Variants in FGD5 observed in about 807,000 individuals in gnomAD.
The protein encoded by FGD5 is FYVE, RhoGEF and PH domain-containing protein 5.
FGD5 carries 28 observed loss-of-function variants against 133.4 expected under a neutral mutation model. The observed-to-expected ratio is 0.21, with a 90% confidence interval of 0.16 to 0.29. FGD5 has a LOEUF of 0.29. Ranked by LOEUF, FGD5 falls within the 10% of genes least tolerant of loss-of-function variation. The probability of loss-of-function intolerance (pLI) is 1.00; values close to 1 mark genes in which losing one functional copy is unlikely to be tolerated. For synonymous variants in FGD5, 810 were observed against 776.5 expected, an observed-to-expected ratio of 1.04 and a Z score of -0.72; for missense variants, 1,858 against 1,895.2, an observed-to-expected ratio of 0.98 and a Z score of 0.36.
At position 14,900,988 on chromosome 3, in the gene FGD5, T is replaced by C. The variant is rs1462473354; in HGVS notation, c.3206-15T>C. 2 of 1,614,014 alleles carry C rather than the reference T, an allele frequency of 1.2e-6. No homozygotes were observed. Among genetic ancestry groups the C allele is most frequent in the East Asian group, 4.5e-5 (2 of 44,882 alleles). ...TCTTGCAATGGCCCAACTCCTGCTC[T>C]GTGTCCCTCCCCAGGTGCACTGAGC... On this transcript the variant is annotated splice_polypyrimidine_tract_variant and intron_variant, in intron 8 of 19. Transcript: ENST00000285046.
At chr3:14,870,794 T>A (rs1021863396) in intron 2 of FGD5, among the ~76,000 whole-genome samples, 1 of 151,962 alleles carries the variant, frequency 6.6e-6, no homozygotes, top group Non-Finnish European at 1.5e-5. Context: ...ACTCAACACA[T>A]CCCATACCAA....
At chr3:14,858,701 G>A (rs921626553) in intron 1 of FGD5, among the ~76,000 whole-genome samples, 2 of 152,222 alleles carry the variant, frequency 1.3e-5, no homozygotes, top group Non-Finnish European at 2.9e-5. Context: ...ATACTGAGCA[G>A]AGTACTCATC....
chr3:14,918,909 A>T, intron 13 of FGD5, 76 bp downstream of exon 13: 1 of 1,491,854 alleles, frequency 6.7e-7, no homozygotes, highest in South Asian at 1.1e-5. Flanking sequence ...ACAGATAAGG[A>T]TGTGCTGTTT....
chr3:14,921,951 T>G lies in FGD5; in HGVS notation c.3603T>G (p.Cys1201Trp), dbSNP rs2038688820. The change falls in exon 14 of 20, where the codon TGT (cysteine) becomes TGG (tryptophan). Residue 1201 changes from cysteine to tryptophan, a missense_variant. This residue lies in a region of FGD5 where 1,824 missense variants were observed against 1,848.9 expected (regional missense o/e 0.99). Transcript: ENST00000285046. Reference protein sequence around the residue: ...SCAERDEWYGCLSRALPEDYK... With the variant: ...SCAERDEWYGWLSRALPEDYK... The stretch of plus-strand genomic sequence containing the variant: ...CAGAGAGGGACGAGTGGTATGGCTG[T>G]CTGAGCAGAGCCCTCCCTGAGGACT... 2.5e-6 allele frequency: 4 copies of G among 1,571,504 alleles called. No individual in the cohort carries two copies. The highest frequency in any genetic ancestry group is 2.6e-6 in the Non-Finnish European group (3 of 1,158,452).
In FGD5 at chr3:14,926,090, C is replaced by T. The variant is rs2038798167; in HGVS notation, c.4089C>T (p.Gly1363=). Residue 1363 remains glycine, a synonymous_variant, in exon 18 of 20, where the codon GGC becomes GGT. Transcript: ENST00000285046. ...GCCAGGTGGCTGCCTCTGGAGAGGG[C>T]TCTGCCATCAGTGGCTATCTCAGCC... is the stretch of plus-strand genomic sequence containing the variant. ...ALTEVAASGE[G]SAISGYLSRC... 6.2e-7 allele frequency: 1 copy of T among 1,613,730 alleles called. No individual in the cohort carries two copies. Among genetic ancestry groups the T allele is most frequent in the Non-Finnish European group, 8.5e-7 (1 of 1,179,802 alleles).
intron 1 of FGD5, among the ~76,000 whole-genome samples, chr3:14,840,357 C>T (rs2036898022): frequency 6.6e-6 from 1 of 152,026 alleles, no homozygotes; most frequent in African/African-American, 2.4e-5. Context: ...GTTGGCCAGG[C>T]TGGTCTCGAA....
At position 14,917,157 on chromosome 3, in the gene FGD5, G is replaced by C. The variant is rs1376674983; in HGVS notation, c.3406-92G>C. 1 of 1,171,626 alleles carries C rather than the reference G, an allele frequency of 8.5e-7. No homozygotes were observed. The highest frequency in any genetic ancestry group is 1.2e-6 in the Non-Finnish European group (1 of 820,132). 72.6% of individuals were successfully genotyped at this position (1,171,626 alleles called of 1,614,324 possible). ...GGTTACTGAGGAATACAAGATGCCT[G>C]TGCACAGCGGAGCTCAGGGATCCTT... On this transcript the variant is annotated intron_variant, in intron 11 of 19. Transcript: ENST00000285046. This position sits in a 1 kb window ranked among gnomAD's most constrained non-coding sequence, Gnocchi z 4.1.
At chr3:14,873,683 T>C (rs965155556) in intron 2 of FGD5, among the ~76,000 whole-genome samples, 8 of 152,256 alleles carry the variant, frequency 5.3e-5, no homozygotes, top group African/African-American at 1.9e-4. Flanking sequence ...GACCACTGTT[T>C]CTTTTCACTG....
chr3:14,922,038 C>T lies in FGD5; in HGVS notation c.3669+21C>T. 6.4e-7 allele frequency: 1 copy of T among 1,551,880 alleles called. No homozygotes were observed. The highest frequency in any genetic ancestry group is 8.7e-7 in the Non-Finnish European group (1 of 1,147,146). ...TGGAGGTGAGTGGGTGGGCAGGGCCCACGGGCCACCAGCTTCAGAGACCTG... is the reference window on the plus strand; with the variant it reads ...TGGAGGTGAGTGGGTGGGCAGGGCCTACGGGCCACCAGCTTCAGAGACCTG... On this transcript the variant is annotated intron_variant, in intron 14 of 19. Coordinates refer to ENST00000285046, the MANE Select transcript of FGD5 (RefSeq NM_152536.4). The surrounding 1 kb of genome is among the most constrained non-coding windows in gnomAD (Gnocchi z 4.1).
At chr3:14,846,930 G>A (rs2037063333) in intron 1 of FGD5, among the ~76,000 whole-genome samples, 2 of 152,216 alleles carry the variant, frequency 1.3e-5, no homozygotes, top group South Asian at 4.1e-4. Context: ...TGTTCTTAGA[G>A]CTGAAGGTAA....
Position 14,901,079 on chromosome 3 carries a change from G to A in FGD5, c.3264+18G>A, listed in dbSNP as rs770345750. ...AGCAAGGGGTGAGTGCGGCCTGGCGGCCCCCTTCCTCAGACACAGGTTCCA... is the reference window on the plus strand; with the variant it reads ...AGCAAGGGGTGAGTGCGGCCTGGCGACCCCCTTCCTCAGACACAGGTTCCA... On this transcript the variant is annotated intron_variant, in intron 9 of 19. Coordinates refer to ENST00000285046, the MANE Select transcript of FGD5 (RefSeq NM_152536.4). The A allele has an allele frequency of 1.9e-6, 3 of 1,613,886 alleles. No individual in the cohort carries two copies. In the South Asian group the frequency reaches 3.3e-5, roughly 18 times the overall value.
chr3:14,898,325 G>A (rs1488865778), intron 6 of FGD5, among the ~76,000 whole-genome samples: 1 of 152,120 alleles, frequency 6.6e-6, no homozygotes, highest in Non-Finnish European at 1.5e-5. Context: ...CCCAGTAAGG[G>A]TCTCAGGGTA....
chr3:14,932,489 C>T, intron 18 of FGD5, 88 bp from the exon 19 acceptor site: 1 of 1,459,104 alleles, frequency 6.9e-7, no homozygotes. Context: ...CACAGAGGCA[C>T]TCTTCACGCA....
Position 14,905,712 on chromosome 3 carries a change from A to G in FGD5, c.3265-1928A>G, listed in dbSNP as rs2038325333. ...TCCCACCAGGTCCTTTTACCCACCA[A>G]TCAGAGCTACTTCAAGGTCTGATGG... On this transcript the variant is annotated intron_variant, in intron 9 of 19. Coordinates refer to ENST00000285046, the MANE Select transcript of FGD5 (RefSeq NM_152536.4). Among the ~76,000 whole-genome samples the G allele has an allele frequency of 2.0e-5, 3 of 152,024 alleles. No individual in the cohort carries two copies. The South Asian group carries it at 6.2e-4, about 32-fold the overall frequency.
In FGD5 at chr3:14,924,148, G is replaced by A. The variant is rs1365254375; in HGVS notation, c.4068+10G>A. 6 of 1,613,942 alleles carry A rather than the reference G, an allele frequency of 3.7e-6. No individual in the cohort carries two copies. Among genetic ancestry groups the A allele is most frequent in the Non-Finnish European group, 5.1e-6 (6 of 1,179,886 alleles). ...TTCAGCCCTGACAGAGGTAAAGCAG[G>A]CAGGGCTACCCAAGTGGGAAGTAGG... On this transcript the variant is annotated intron_variant, in intron 17 of 19. Coordinates refer to ENST00000285046, the MANE Select transcript of FGD5 (RefSeq NM_152536.4).
intron 1 of FGD5, among the ~76,000 whole-genome samples, chr3:14,842,029 C>A (rs2036933427): frequency 6.6e-6 from 1 of 152,250 alleles, no homozygotes; most frequent in Non-Finnish European, 1.5e-5. Flanking sequence ...GGCATCCCAG[C>A]TTGGGCAGCT....
intron 1 of FGD5, among the ~76,000 whole-genome samples, chr3:14,824,801 A>T (rs2036571508): frequency 1.3e-5 from 2 of 152,258 alleles, no homozygotes. Context: ...AAACAGTATC[A>T]GTTGCCGTAA....
chr3:14,863,389 C>T (rs1294950770), intron 1 of FGD5, among the ~76,000 whole-genome samples: 3 of 151,212 alleles, frequency 2.0e-5, no homozygotes, highest in Non-Finnish European at 4.4e-5. Context: ...CATGAGTTCA[C>T]ATTTGAGGAC....
intron 4 of FGD5, among the ~76,000 whole-genome samples, chr3:14,884,844 T>C (rs34991912): frequency 0.56 from 85,788 of 151,868 alleles, 24,741 homozygotes; most frequent in African/African-American, 0.61. Flanking sequence ...AACAGCAAAC[T>C]GTTTATCATG....
Sources: allele counts gnomAD v4.1 joint callset (sites outside exome capture counted in the v4.1 genomes callset), GRCh38; gene constraint gnomAD v4.1.1; regional missense constraint gnomAD v4.1.1; non-coding constraint Gnocchi (gnomAD v3.1); transcripts MANE v1.5; gene names NCBI Gene and HGNC (gene_info 2026-07-23, HGNC 2026-07-21).